LOC128462377: variants seen among roughly 807,000 people sequenced by gnomAD.
the LOC128462377 span, among the ~76,000 whole-genome samples, chr16:89,319,444 CG>C: frequency 6.6e-6 from 1 of 152,236 alleles, no homozygotes; most frequent in Non-Finnish European, 1.5e-5. Context: ...TCCGGGGACT[CG>C]GGAGTGTTGT....
chr16:89,318,961 C>T, the LOC128462377 span, among the ~76,000 whole-genome samples: 39 of 152,322 alleles, frequency 2.6e-4, no homozygotes, highest in Admixed American at 1.5e-3. Context: ...ACCACAAAAC[C>T]GGAATGTCTC....
chr16:89,405,616 G>A, the LOC128462377 span, among the ~76,000 whole-genome samples: 1 of 151,528 alleles, frequency 6.6e-6, no homozygotes, highest in African/African-American at 2.4e-5. Flanking sequence ...TTACAGGCCT[G>A]AGCCGCCATG....
the LOC128462377 span, among the ~76,000 whole-genome samples, chr16:89,372,150 GGAA>G: frequency 6.6e-6 from 1 of 152,204 alleles, no homozygotes; most frequent in African/African-American, 2.4e-5. Context: ...ACCTGGCCTG[GGAA>G]GAAGGACCGG....
At chr16:89,384,879 C>CTTTTTCTTTTTTTTTTTTTTTTTT in the LOC128462377 span, among the ~76,000 whole-genome samples, 1 of 49,910 alleles carries the variant, frequency 2.0e-5, no homozygotes, top group African/African-American at 7.9e-5. Context: ...AAATAGTTTT[C>CTTTTTCTTTTTTTTTTTTTTTTTT]TTTTTTTTTT....
chr16:89,331,110 T>G, the LOC128462377 span, among the ~76,000 whole-genome samples: 1 of 152,100 alleles, frequency 6.6e-6, no homozygotes, highest in Admixed American at 6.6e-5. Flanking sequence ...CCTGCCACCA[T>G]GCCCGGCTAA....
the LOC128462377 span, among the ~76,000 whole-genome samples, chr16:89,357,112 G>A: frequency 1.3e-5 from 2 of 152,370 alleles, no homozygotes; most frequent in South Asian, 4.1e-4. Flanking sequence ...GTCTGTAGGA[G>A]GGACAGTGTA....
chr16:89,386,971 T>C, the LOC128462377 span, among the ~76,000 whole-genome samples: 1 of 146,206 alleles, frequency 6.8e-6, no homozygotes, highest in African/African-American at 2.6e-5. Flanking sequence ...GGCAGGAGGG[T>C]GGCCCCACCC....
the LOC128462377 span, among the ~76,000 whole-genome samples, chr16:89,384,138 T>C: frequency 2.8e-4 from 43 of 152,162 alleles, no homozygotes; most frequent in Non-Finnish European, 4.6e-4. Context: ...GGAGAGTTGC[T>C]TGAACCCAGA....
chr16:89,347,291 T>C, the LOC128462377 span, among the ~76,000 whole-genome samples: 2 of 152,150 alleles, frequency 1.3e-5, no homozygotes, highest in African/African-American at 2.4e-5. Context: ...CCTGTATGTG[T>C]GTACGTGAAC....
chr16:89,374,511 G>C, the LOC128462377 span, among the ~76,000 whole-genome samples: 13 of 152,206 alleles, frequency 8.5e-5, no homozygotes, highest in Admixed American at 7.2e-4. Context: ...TGCTCTGTGA[G>C]AGAATTCAGA....
At chr16:89,405,948 A>G in the LOC128462377 span, among the ~76,000 whole-genome samples, 1 of 152,086 alleles carries the variant, frequency 6.6e-6, no homozygotes, top group Admixed American at 6.5e-5. Context: ...CGTCTCTACT[A>G]AAAAGACAAA....
At chr16:89,348,795 C>G in the LOC128462377 span, among the ~76,000 whole-genome samples, 1 of 151,628 alleles carries the variant, frequency 6.6e-6, no homozygotes, top group Non-Finnish European at 1.5e-5. Context: ...TGTCCCTTTT[C>G]TCATGTCCAT....
chr16:89,393,399 C>G, the LOC128462377 span, among the ~76,000 whole-genome samples: 1 of 151,030 alleles, frequency 6.6e-6, no homozygotes, highest in Admixed American at 6.6e-5. Flanking sequence ...TATTGGCTCA[C>G]TGCAACCTCT....
chr16:89,353,293 G>A, the LOC128462377 span, among the ~76,000 whole-genome samples: 2 of 151,702 alleles, frequency 1.3e-5, no homozygotes, highest in South Asian at 4.2e-4. Flanking sequence ...AGTGAGCCAA[G>A]ATGGCGCCAC....
At chr16:89,332,426 C>T in the LOC128462377 span, among the ~76,000 whole-genome samples, 42 of 152,186 alleles carry the variant, frequency 2.8e-4, no homozygotes, top group Non-Finnish European at 4.1e-4. Flanking sequence ...CAGCTCCACA[C>T]GTCCCTCCAC....
chr16:89,385,004 G>C, the LOC128462377 span, among the ~76,000 whole-genome samples: 1 of 139,520 alleles, frequency 7.2e-6, no homozygotes. Context: ...TCCTGACTCA[G>C]CCTCCCAAGT....
At chr16:89,322,454 G>A in the LOC128462377 span, among the ~76,000 whole-genome samples, 1 of 152,244 alleles carries the variant, frequency 6.6e-6, no homozygotes, top group East Asian at 1.9e-4. Context: ...AGGCCCCTGA[G>A]AAGGGATGTG....
chr16:89,387,597 C>T, the LOC128462377 span, among the ~76,000 whole-genome samples: 152 of 148,622 alleles, frequency 1.0e-3, 1 homozygote, highest in African/African-American at 2.1e-3. Flanking sequence ...GGCGGGAACC[C>T]GGGAGGCAGA....
chr16:89,381,561 T>C, the LOC128462377 span, among the ~76,000 whole-genome samples: 1 of 152,126 alleles, frequency 6.6e-6, no homozygotes, highest in Non-Finnish European at 1.5e-5. Context: ...TTTCTAATTA[T>C]CCAAACAAGT....
Sources: gnomAD v4.1 joint callset for allele counts (sites outside exome capture counted in the v4.1 genomes callset) on GRCh38, gnomAD v4.1.1 for gene constraint, MANE v1.5 for transcripts.